CNTNAP2: variants seen among roughly 807,000 people sequenced by gnomAD.
The protein encoded by CNTNAP2 is contactin associated protein 2.
Under a neutral mutation model 155.2 loss-of-function variants are expected in CNTNAP2, and 98 were observed. The observed-to-expected ratio is 0.63, with a 90% CI of 0.54 to 0.75. CNTNAP2 has a LOEUF of 0.75. CNTNAP2 is among the 30% of genes least tolerant of loss of function. The probability of loss-of-function intolerance (pLI) is 0.00; values close to 1 mark genes in which losing one functional copy is unlikely to be tolerated. For synonymous variants in CNTNAP2, 651 were observed against 631.2 expected (o/e 1.03, Z -0.47); for missense variants, 1,727 against 1,688.1 (o/e 1.02, Z -0.40).
At chr7:147,493,342 G>C (rs765783544) in intron 11 of CNTNAP2, among the ~76,000 whole-genome samples, 2 of 152,172 alleles carry the variant, frequency 1.3e-5, no homozygotes, top group Non-Finnish European at 2.9e-5. Context: ...GTGTTATCAA[G>C]TGAGCAACTA....
intron 18 of CNTNAP2, among the ~76,000 whole-genome samples, chr7:148,207,020 T>C (rs1795460728): frequency 6.6e-6 from 1 of 152,250 alleles, no homozygotes; most frequent in Non-Finnish European, 1.5e-5. Context: ...ACTGTTGTAA[T>C]GCTGTGTTTG....
intron 1 of CNTNAP2, among the ~76,000 whole-genome samples, chr7:146,264,640 G>A (rs912836989): frequency 6.6e-6 from 1 of 152,142 alleles, no homozygotes; most frequent in African/African-American, 2.4e-5. Context: ...AGCACGTGGG[G>A]TTATCTGATG....
At chr7:146,461,601 G>A (rs1263619136) in intron 1 of CNTNAP2, among the ~76,000 whole-genome samples, 3 of 152,162 alleles carry the variant, frequency 2.0e-5, no homozygotes, top group Admixed American at 6.5e-5. Context: ...GTAGTGGAAC[G>A]TGTCTAGACA....
At chr7:146,746,355 T>A (rs1426689841) in intron 1 of CNTNAP2, among the ~76,000 whole-genome samples, 1 of 152,242 alleles carries the variant, frequency 6.6e-6, no homozygotes, top group Non-Finnish European at 1.5e-5. Context: ...ATGATTTATA[T>A]ATTTTAAATG....
intron 1 of CNTNAP2, among the ~76,000 whole-genome samples, chr7:146,603,478 G>T (rs546409688): frequency 6.7e-6 from 1 of 149,552 alleles, no homozygotes; most frequent in Non-Finnish European, 1.5e-5. Flanking sequence ...AATCAATATC[G>T]TGAAAATGGC....
chr7:146,973,360 AC>A (rs1797843013), intron 3 of CNTNAP2, among the ~76,000 whole-genome samples: 1 of 152,166 alleles, frequency 6.6e-6, no homozygotes, highest in Non-Finnish European at 1.5e-5. Flanking sequence ...CTCAATAGAT[AC>A]ACATGGTTTG....
At chr7:147,039,969 C>T (rs150304446) in intron 3 of CNTNAP2, among the ~76,000 whole-genome samples, 2 of 152,040 alleles carry the variant, frequency 1.3e-5, no homozygotes, top group Non-Finnish European at 2.9e-5. Flanking sequence ...TCTAATTAAA[C>T]CTAAGAGCTT....
chr7:147,076,285 C>CAGCACCGGTTGTTTCCTGACTTGTTAATG (rs1800000070), intron 4 of CNTNAP2, among the ~76,000 whole-genome samples: 4 of 152,210 alleles, frequency 2.6e-5, no homozygotes, highest in Non-Finnish European at 4.4e-5. Context: ...ACATCCTCTC[C>CAGCACCGGTTGTTTCCTGACTTGTTAATG]AGCACCGGTT....
At chr7:147,327,066 C>T (rs143111702) in intron 9 of CNTNAP2, among the ~76,000 whole-genome samples, 1 of 152,284 alleles carries the variant, frequency 6.6e-6, no homozygotes, top group African/African-American at 2.4e-5. Flanking sequence ...TTTTGTTGGT[C>T]AGGCAAGCTG....
intron 21 of CNTNAP2, among the ~76,000 whole-genome samples, chr7:148,278,434 G>A (rs1056408842): frequency 4.6e-5 from 7 of 152,202 alleles, no homozygotes; most frequent in South Asian, 4.1e-4. Context: ...GCCGGGCGTG[G>A]TGGTGGTCAC....
chr7:146,713,665 C>T (rs1801136818), intron 1 of CNTNAP2, among the ~76,000 whole-genome samples: 1 of 152,146 alleles, frequency 6.6e-6, no homozygotes, highest in South Asian at 2.1e-4. Flanking sequence ...AAATGTGATT[C>T]CAGACAGTAT....
intron 15 of CNTNAP2, among the ~76,000 whole-genome samples, chr7:148,042,181 G>A (rs1021235286): frequency 7.2e-5 from 11 of 152,196 alleles, no homozygotes; most frequent in Non-Finnish European, 1.6e-4. Flanking sequence ...TTAAGCACAA[G>A]CAGAGTCACG....
chr7:147,038,195 C>A (rs1166625168), intron 3 of CNTNAP2, among the ~76,000 whole-genome samples: 2 of 152,082 alleles, frequency 1.3e-5, no homozygotes, highest in Non-Finnish European at 2.9e-5. Flanking sequence ...AACAGAAGCA[C>A]AAACTATTGA....
At chr7:146,703,897 C>G (rs1800919172) in intron 1 of CNTNAP2, among the ~76,000 whole-genome samples, 3 of 152,220 alleles carry the variant, frequency 2.0e-5, no homozygotes, top group South Asian at 4.1e-4. Flanking sequence ...TTCTCTCTCC[C>G]TTCTTTGTTC....
intron 8 of CNTNAP2, among the ~76,000 whole-genome samples, chr7:147,170,294 T>C (rs866705392): frequency 5.3e-5 from 8 of 152,046 alleles, no homozygotes; most frequent in Non-Finnish European, 1.0e-4. Context: ...TACTCAGCGC[T>C]GGGGACTGTG....
At chr7:147,817,626 C>G (rs901663995) in intron 13 of CNTNAP2, among the ~76,000 whole-genome samples, 1 of 151,954 alleles carries the variant, frequency 6.6e-6, no homozygotes, top group Non-Finnish European at 1.5e-5. Context: ...CAAAGAAGGC[C>G]GGGCGTGGTG....
At chr7:146,752,949 A>G (rs1401521128) in intron 1 of CNTNAP2, among the ~76,000 whole-genome samples, 5 of 152,172 alleles carry the variant, frequency 3.3e-5, no homozygotes, top group Admixed American at 3.3e-4. Flanking sequence ...TAATAATTAC[A>G]GAGTAAATGG....
At chr7:147,153,331 T>C (rs1338686291) in intron 8 of CNTNAP2, among the ~76,000 whole-genome samples, 2 of 152,068 alleles carry the variant, frequency 1.3e-5, no homozygotes, top group African/African-American at 4.8e-5. Flanking sequence ...ATAAATAAAG[T>C]ATATAGAAAT....
At chr7:146,636,452 C>T (rs1196911234) in intron 1 of CNTNAP2, among the ~76,000 whole-genome samples, 3 of 151,950 alleles carry the variant, frequency 2.0e-5, no homozygotes, top group South Asian at 4.2e-4. Flanking sequence ...AAAAAATTGC[C>T]GAAATGGGCT....
Sources: allele counts gnomAD v4.1 joint callset (sites outside exome capture counted in the v4.1 genomes callset), GRCh38; gene constraint gnomAD v4.1.1; transcripts MANE v1.5; gene names NCBI Gene and HGNC (gene_info 2026-07-23, HGNC 2026-07-21).